The following SERPIND1 variants were observed in gnomAD, a reference collection of about 807,000 sequenced individuals.
The protein encoded by SERPIND1 is serpin family D member 1.
SERPIND1 carries 34 observed loss-of-function variants against 35.0 expected under a neutral mutation model. The observed-to-expected ratio is 0.97, with a 90% confidence interval of 0.74 to 1.29. The LOEUF is 1.29. SERPIND1 is among the 50% of genes most tolerant of loss of function. SERPIND1 has a pLI of 0.00. For synonymous variants in SERPIND1, 236 were observed against 241.1 expected, an observed-to-expected ratio of 0.98 and a Z score of 0.19; for missense variants, 633 against 637.7, an observed-to-expected ratio of 0.99 and a Z score of 0.08.
chr22:20,778,005 CTT>C (rs1023516064), intron 1 of SERPIND1, among the ~76,000 whole-genome samples: 6 of 152,260 alleles, frequency 3.9e-5, no homozygotes, highest in Non-Finnish European at 7.4e-5. Flanking sequence ...GACTTTATCT[CTT>C]GTTTCTAACC....
Position 20,787,014 on chromosome 22 carries a change from G to GC in SERPIND1, c.1449dup (p.Thr484HisfsTer22). 1.2e-6 allele frequency: 2 copies of GC among 1,614,066 alleles called. No individual in the cohort carries two copies. Among genetic ancestry groups the GC allele is most frequent in the Non-Finnish European group, 1.7e-6 (2 of 1,180,000 alleles). Reference sequence around the variant, plus strand: ...TTTCTTTTCCTCATCTACGAGCATCGCACCAGCTGCCTGCTCTTCATGGGA... The same window carrying GC: ...TTTCTTTTCCTCATCTACGAGCATCGCCACCAGCTGCCTGCTCTTCATGGGA... On this transcript the variant is annotated frameshift_variant, in exon 5 of 5. Transcript: ENST00000215727. LOFTEE classifies it high-confidence loss of function.
At chr22:20,776,252 AG>A (rs1235153642) in intron 1 of SERPIND1, among the ~76,000 whole-genome samples, 1 of 152,124 alleles carries the variant, frequency 6.6e-6, no homozygotes, top group Non-Finnish European at 1.5e-5. Context: ...TGAGCCTGAG[AG>A]GAACAGGTGG....
chr22:20,780,496 G>A (rs165768), intron 2 of SERPIND1, among the ~76,000 whole-genome samples: 57,742 of 151,924 alleles, frequency 0.38, 11,457 homozygotes, highest in African/African-American at 0.48. Context: ...GGCTGGGCGC[G>A]GTGGCTCACG....
chr22:20,778,652 T>C (rs774719594), intron 1 of SERPIND1, among the ~76,000 whole-genome samples: 4 of 152,174 alleles, frequency 2.6e-5, no homozygotes, highest in African/African-American at 7.2e-5. Flanking sequence ...AGCATCTCCA[T>C]TGCAAAGGTG....
rs766424029 is a variant in SERPIND1 at position 20,780,082 on chromosome 22, C to A, written c.770C>A (p.Ala257Asp). Residue 257 changes from alanine to aspartate, a missense_variant, in exon 2 of 5, where the codon GCC becomes GAC. Coordinates refer to ENST00000215727, the MANE Select transcript of SERPIND1 (RefSeq NM_000185.4). ...EAQIADFSDP[A>D]FISKTNNHIM... is the part of the protein sequence containing the mutation. ...CAGATAGCTGACTTCTCAGACCCTGCCTTCATATCAAAAACCAACAACCAC... is the reference window on the plus strand; with the variant it reads ...CAGATAGCTGACTTCTCAGACCCTGACTTCATATCAAAAACCAACAACCAC... 2 of 1,614,126 alleles carry A rather than the reference C, an allele frequency of 1.2e-6. No individual in the cohort carries two copies. The highest frequency in any genetic ancestry group is 4.5e-5 in the East Asian group (2 of 44,882).
chr22:20,787,275 G>A lies in SERPIND1; in HGVS notation c.*209G>A. 1 of 601,264 alleles carries A rather than the reference G, an allele frequency of 1.7e-6. No individual in the cohort carries two copies. Among genetic ancestry groups the A allele is most frequent in the East Asian group, 2.9e-5 (1 of 34,850 alleles). 37.2% of individuals were successfully genotyped at this position (601,264 alleles called of 1,614,324 possible). A position where few individuals can be genotyped will look rare whatever the true frequency, so the allele number is the denominator to read the frequency against. ...CAATAGCCCATGCTGTAAGCTCATA[G>A]AAGTCACTGTAACTGTAGTGTGTCT... On this transcript the variant is annotated 3_prime_UTR_variant, in exon 5 of 5. Coordinates refer to ENST00000215727, the MANE Select transcript of SERPIND1 (RefSeq NM_000185.4).
intron 1 of SERPIND1, among the ~76,000 whole-genome samples, chr22:20,775,953 G>A (rs1232786336): frequency 6.6e-6 from 1 of 152,206 alleles, no homozygotes; most frequent in African/African-American, 2.4e-5. Flanking sequence ...AAAATGCTGG[G>A]AGGATGAAGC....
At chr22:20,774,760 AAAAAAAAAAAAAAAAGAAG>A (rs1188943793) in intron 1 of SERPIND1, among the ~76,000 whole-genome samples, 3 of 56,242 alleles carry the variant, frequency 5.3e-5, no homozygotes, top group Non-Finnish European at 1.0e-4. Context: ...GACTCCGTCA[AAAAAAAAAAAAAAAAGAAG>A]AAAAAAGAAA....
chr22:20,784,204 A>C lies in SERPIND1; in HGVS notation c.1122A>C (p.Thr374=). The C allele has an allele frequency of 5.0e-6, 8 of 1,614,030 alleles. No homozygotes were observed. Among genetic ancestry groups the C allele is most frequent in the Non-Finnish European group, 6.8e-6 (8 of 1,180,026 alleles). The change falls in exon 3 of 5, where the codon ACA becomes ACC. Residue 374 remains threonine, a synonymous_variant. Coordinates refer to ENST00000215727, the MANE Select transcript of SERPIND1 (RefSeq NM_000185.4). ...SGMKTLEAQL[T]PRVVERWQKS... ...TGAAGACCCTCGAAGCGCAACTGACACCCCGGGTGGTGGAGAGATGGCAAA... is the reference window on the plus strand; with the variant it reads ...TGAAGACCCTCGAAGCGCAACTGACCCCCCGGGTGGTGGAGAGATGGCAAA...
Position 20,780,154 on chromosome 22 carries a change from T to C in SERPIND1, c.842T>C (p.Ile281Thr), listed in dbSNP as rs145370736. 3.7e-4 allele frequency: 605 copies of C among 1,614,212 alleles called. 9 individuals carry two copies. The Admixed American group carries it at 6.4e-3, about 17-fold the overall frequency. ...CTCATAAAAGATGCTCTGGAGAATA[T>C]AGACCCTGCTACCCAGATGATGATT... Reference protein sequence around the residue: ...KGLIKDALENIDPATQMMILN... With the variant: ...KGLIKDALENTDPATQMMILN... Residue 281 changes from isoleucine to threonine, a missense_variant, in exon 2 of 5, where the codon ATA becomes ACA. Transcript: ENST00000215727.
chr22:20,780,536 G>C (rs978405889), intron 2 of SERPIND1, among the ~76,000 whole-genome samples: 1 of 152,146 alleles, frequency 6.6e-6, no homozygotes, highest in African/African-American at 2.4e-5. Context: ...GGGAGGCCGA[G>C]GCAGGCAGAT....
chr22:20,774,644 C>T (rs534518314), intron 1 of SERPIND1, among the ~76,000 whole-genome samples: 1 of 151,964 alleles, frequency 6.6e-6, no homozygotes, highest in South Asian at 2.1e-4. Flanking sequence ...GCCTGTAATC[C>T]CAGCTACTCA....
At chr22:20,781,734 A>C (rs747699105) in intron 2 of SERPIND1, among the ~76,000 whole-genome samples, 1 of 152,266 alleles carries the variant, frequency 6.6e-6, no homozygotes, top group Non-Finnish European at 1.5e-5. Flanking sequence ...CATGTACATG[A>C]TGAACACACA....
rs751454774 is a variant in SERPIND1 at position 20,786,833 on chromosome 22, T to C, written c.1309-42T>C. On this transcript the variant is annotated intron_variant, in intron 4 of 4. Coordinates refer to ENST00000215727, the MANE Select transcript of SERPIND1 (RefSeq NM_000185.4). ...TTGTGCTGGGAACTCTAGCCCTCTG[T>C]GTGCTGACCTCCAGAATCTGACAAC... The C allele has an allele frequency of 3.8e-6, 6 of 1,589,154 alleles. No homozygotes were observed. In the East Asian group the frequency reaches 1.1e-4, roughly 30 times the overall value.
Position 20,779,727 on chromosome 22 carries a change from C to T in SERPIND1, c.415C>T (p.Arg139Ter), listed in dbSNP as rs1270484905. ...LNAKFAFNLY[R>*]VLKDQVNTFD... ...CGCCAAGTTCGCTTTCAACCTCTAC[C>T]GAGTGCTGAAAGACCAGGTCAACAC... The change falls in exon 2 of 5, where the codon CGA becomes TGA. Residue 139 changes from arginine (R) to a stop codon, truncating the protein, a stop_gained. Transcript: ENST00000215727. LOFTEE classifies it high-confidence loss of function. The T allele has an allele frequency of 6.2e-7, 1 of 1,614,220 alleles. No individual in the cohort carries two copies. The highest frequency in any genetic ancestry group is 1.7e-5 in the Admixed American group (1 of 60,028).
At chr22:20,783,941 T>C (rs768002837) in intron 2 of SERPIND1, 31 bp from the exon 3 acceptor site, 1 of 1,614,036 alleles carries the variant, frequency 6.2e-7, no homozygotes, top group African/African-American at 1.3e-5. Flanking sequence ...AGGAACCTTC[T>C]CATAACAGCC....
chr22:20,780,175 T>C lies in SERPIND1; in HGVS notation c.863T>C (p.Met288Thr), dbSNP rs752022208. ...LENIDPATQM[M>T]ILNCIYFKGS... ...AATATAGACCCTGCTACCCAGATGATGATTCTCAACTGCATCTACTTCAAA... is the reference window on the plus strand; with the variant it reads ...AATATAGACCCTGCTACCCAGATGACGATTCTCAACTGCATCTACTTCAAA... The change falls in exon 2 of 5, where the codon ATG (methionine) becomes ACG (threonine). Residue 288 changes from methionine (M) to threonine (T), a missense_variant. Coordinates refer to ENST00000215727, the MANE Select transcript of SERPIND1 (RefSeq NM_000185.4). 2 of 1,614,254 alleles carry C rather than the reference T, an allele frequency of 1.2e-6. No individual in the cohort carries two copies. Among genetic ancestry groups the C allele is most frequent in the East Asian group, 4.5e-5 (2 of 44,886 alleles).
rs373812400 is a variant in SERPIND1 at position 20,786,003 on chromosome 22, G to C, written c.1164-1G>C. 5.0e-6 allele frequency: 8 copies of C among 1,613,950 alleles called. No individual in the cohort carries two copies. The African/African-American group carries it at 9.4e-5, about 19-fold the overall frequency. ...GGGCCCCCCTTTCCTTTTCTGTCTA[G>C]AACTCGAGAAGTGCTTCTGCCGAAA... On this transcript the variant is annotated splice_acceptor_variant, in intron 3 of 4. Transcript: ENST00000215727. LOFTEE classifies it high-confidence loss of function.
At chr22:20,777,615 G>C (rs1031021434) in intron 1 of SERPIND1, among the ~76,000 whole-genome samples, 3 of 152,222 alleles carry the variant, frequency 2.0e-5, no homozygotes, top group Middle Eastern at 3.2e-3. Context: ...TGGTCTCCCA[G>C]TGTTGGGATT....
Sources: gnomAD v4.1 joint callset for allele counts (sites outside exome capture counted in the v4.1 genomes callset) on GRCh38, gnomAD v4.1.1 for gene constraint, MANE v1.5 for transcripts, NCBI Gene and HGNC (gene_info 2026-07-23, HGNC 2026-07-21) for gene names.